WWTR1: variants seen among roughly 807,000 people sequenced by gnomAD.
WWTR1 encodes the protein WW domain-containing transcription regulator protein 1.
WWTR1 carries 13 observed loss-of-function variants against 40.1 expected under a neutral mutation model. The ratio of observed to expected loss-of-function variants is 0.32; its 90% CI spans 0.21 to 0.52. The LOEUF is 0.52. Among genes scored for constraint, WWTR1 ranks in the 20% least tolerant of loss-of-function variants. The probability of loss-of-function intolerance (pLI) is 0.97; values close to 1 mark genes in which losing one functional copy is unlikely to be tolerated. For synonymous variants in WWTR1, 230 were observed against 210.1 expected (o/e 1.09, Z -0.82); for missense variants, 436 against 523.1 (o/e 0.83, Z 1.63).
At chr3:149,613,988 G>A (rs1185686464) in intron 2 of WWTR1, among the ~76,000 whole-genome samples, 1 of 152,148 alleles carries the variant, frequency 6.6e-6, no homozygotes, top group Non-Finnish European at 1.5e-5. Context: ...AGAAAGAAGA[G>A]AAAATACATA....
In WWTR1 at chr3:149,657,186, T is replaced by G; in HGVS notation, c.121A>C (p.Ser41Arg). 1 of 1,611,104 alleles carries G rather than the reference T, an allele frequency of 6.2e-7. No individual in the cohort carries two copies. Among genetic ancestry groups the G allele is most frequent in the Non-Finnish European group, 8.5e-7 (1 of 1,178,974 alleles). Residue 41 changes from serine (S) to arginine (R), a missense_variant, in exon 2 of 7, where the codon AGC becomes CGC. By Grantham distance (110) the Ser-to-Arg change is moderately radical. Coordinates refer to ENST00000360632, the MANE Select transcript of WWTR1 (RefSeq NM_015472.6). ...LFNSVMNPKP[S>R]SWRKKILPES... The stretch of plus-strand genomic sequence containing the variant: ...GGCAGGATCTTCTTCCGCCACGAGC[T>G]AGGCTTCGGATTCATGACAGAGTTG...
At chr3:149,699,112 A>G (rs1715085900) in intron 1 of WWTR1, among the ~76,000 whole-genome samples, 1 of 152,208 alleles carries the variant, frequency 6.6e-6, no homozygotes, top group South Asian at 2.1e-4. Flanking sequence ...TCTCTGCCAC[A>G]TGGCAAGGCT....
intron 1 of WWTR1, among the ~76,000 whole-genome samples, chr3:149,691,971 A>C (rs573598946): frequency 3.9e-5 from 6 of 152,108 alleles, no homozygotes; most frequent in African/African-American, 1.4e-4. Context: ...AGCCGAGATC[A>C]CGCCACTGCA....
intron 6 of WWTR1, among the ~76,000 whole-genome samples, chr3:149,523,238 A>T (rs1735144465): frequency 6.7e-6 from 1 of 149,628 alleles, no homozygotes; most frequent in African/African-American, 2.5e-5. Flanking sequence ...GAAGAGACAA[A>T]CACAAGGCAA....
At chr3:149,611,300 C>A (rs1383881443) in intron 2 of WWTR1, among the ~76,000 whole-genome samples, 1 of 152,158 alleles carries the variant, frequency 6.6e-6, no homozygotes, top group Non-Finnish European at 1.5e-5. Flanking sequence ...CTACAGCCTG[C>A]AGGCCAAGTC....
intron 3 of WWTR1, among the ~76,000 whole-genome samples, chr3:149,564,311 C>T (rs1737210496): frequency 6.6e-6 from 1 of 152,110 alleles, no homozygotes; most frequent in Non-Finnish European, 1.5e-5. Flanking sequence ...TGGATAAACA[C>T]TGATCTTAGA....
At chr3:149,589,132 T>TG (rs1738581376) in intron 2 of WWTR1, among the ~76,000 whole-genome samples, 1 of 152,182 alleles carries the variant, frequency 6.6e-6, no homozygotes, top group African/African-American at 2.4e-5. Context: ...TGTCCTGTAC[T>TG]TCACAGGACA....
chr3:149,719,864 G>C (rs979021386), intron 4 of WWTR1, among the ~76,000 whole-genome samples: 2 of 152,186 alleles, frequency 1.3e-5, no homozygotes, highest in Non-Finnish European at 2.9e-5. Context: ...ATAATGATTA[G>C]TAAGGCTGAG....
At chr3:149,720,232 T>C (rs1380724622) in intron 4 of WWTR1, among the ~76,000 whole-genome samples, 1 of 152,206 alleles carries the variant, frequency 6.6e-6, no homozygotes, top group African/African-American at 2.4e-5. Flanking sequence ...TGTTTTCTTC[T>C]AAGAGTTTTA....
In WWTR1 at chr3:149,609,018, CTG is replaced by C. The variant is rs1739611816; in HGVS notation, c.432-36020_432-36019del. On this transcript the variant is annotated intron_variant, in intron 2 of 6. Transcript: ENST00000360632. ...TTGGAGGTAGAGGTAGCAGTGAGCC[CTG>C]ATCACACCATTGCCCTCCTGCCTGG... Among the ~76,000 whole-genome samples, 3 of 152,282 alleles carry C rather than the reference CTG, an allele frequency of 2.0e-5. No individual in the cohort carries two copies. The South Asian group carries it at 6.2e-4, about 32-fold the overall frequency.
At position 149,636,966 on chromosome 3, in the gene WWTR1, GAAAAAAA is replaced by G. The variant is rs397950107; in HGVS notation, c.431+19903_431+19909del. ...GCGACAGAGCAAGACTGTCTCAAGT[GAAAAAAA>G]AAAAAAAAAAAAAAAAAGAGAGAAG... On this transcript the variant is annotated intron_variant, in intron 2 of 6. Coordinates refer to ENST00000360632, the MANE Select transcript of WWTR1 (RefSeq NM_015472.6). Among the ~76,000 whole-genome samples the G allele has an allele frequency of 5.1e-4, 22 of 43,314 alleles. 1 individual carries two copies. The highest frequency in any genetic ancestry group is 1.6e-3 in the South Asian group (1 of 610). The allele number at this position is 43,314 out of a possible 152,430, so 28.4% of individuals were successfully genotyped here. A position where few individuals can be genotyped will look rare whatever the true frequency, so the allele number is the denominator to read the frequency against.
chr3:149,597,074 C>G (rs1040913312), intron 2 of WWTR1, among the ~76,000 whole-genome samples: 1 of 152,118 alleles, frequency 6.6e-6, no homozygotes, highest in Non-Finnish European at 1.5e-5. Context: ...ATGCAAAGCT[C>G]TTAACATGGT....
upstream of WWTR1, among the ~76,000 whole-genome samples, chr3:149,705,283 G>A (rs1477514243): frequency 6.6e-6 from 1 of 152,170 alleles, no homozygotes; most frequent in Non-Finnish European, 1.5e-5. Flanking sequence ...GATGTGAGCT[G>A]CCAGATTGAT....
Position 149,523,538 on chromosome 3 carries a change from G to A in WWTR1, c.1018+2475C>T, listed in dbSNP as rs550337194. 5.9e-5 allele frequency among the ~76,000 whole-genome samples: 9 copies of A among 152,214 alleles called. No individual in the cohort carries two copies. The South Asian group carries it at 1.7e-3, about 28-fold the overall frequency. Reference sequence around the variant, plus strand: ...GCTGGGATTACAGGTGTGAACCACCGTGCCCAGCCACAAGGCAATTCTTAA... The same window carrying A: ...GCTGGGATTACAGGTGTGAACCACCATGCCCAGCCACAAGGCAATTCTTAA... On this transcript the variant is annotated intron_variant, in intron 6 of 6. Transcript: ENST00000360632.
intron 2 of WWTR1, among the ~76,000 whole-genome samples, chr3:149,600,925 T>A (rs971815361): frequency 4.6e-5 from 7 of 152,112 alleles, no homozygotes; most frequent in African/African-American, 1.7e-4. Flanking sequence ...AACTTGCTAG[T>A]CATGTGGGTG....
chr3:149,549,224 T>TG (rs1270321703), intron 3 of WWTR1, among the ~76,000 whole-genome samples: 1 of 152,086 alleles, frequency 6.6e-6, no homozygotes, highest in Admixed American at 6.6e-5. Context: ...TGATGGGAGT[T>TG]GGGGGGCAAC....
intron 1 of WWTR1, among the ~76,000 whole-genome samples, chr3:149,694,787 T>C (rs1210720093): frequency 1.3e-5 from 2 of 152,216 alleles, no homozygotes; most frequent in Non-Finnish European, 2.9e-5. Context: ...AACTACCATA[T>C]GATCCAGCAA....
At chr3:149,660,884 C>T (rs1239892237), upstream of WWTR1, among the ~76,000 whole-genome samples, 1 of 152,236 alleles carries the variant, frequency 6.6e-6, no homozygotes, top group Non-Finnish European at 1.5e-5. Flanking sequence ...TACTCATTTA[C>T]AAATTGGAAA....
At chr3:149,525,551 G>A (rs1479184043) in intron 6 of WWTR1, 1 of 152,170 alleles carries the variant, frequency 6.6e-6, no homozygotes, top group African/African-American at 2.4e-5. Flanking sequence ...GTGCCTGGGG[G>A]TTCAGTGGCT....
Sources: gnomAD v4.1 joint callset for allele counts (sites outside exome capture counted in the v4.1 genomes callset) on GRCh38, gnomAD v4.1.1 for gene constraint, MANE v1.5 for transcripts, NCBI Gene and HGNC (gene_info 2026-07-23, HGNC 2026-07-21) for gene names.